Variants in IFT81 observed in about 807,000 individuals in gnomAD.
IFT81 encodes intraflagellar transport protein 81 homolog.
Under a neutral mutation model 102.6 loss-of-function variants are expected in IFT81, and 72 were observed. That is an observed-to-expected ratio of 0.70 (90% CI 0.58 to 0.85). IFT81 has a LOEUF of 0.85. Among genes scored for constraint, IFT81 ranks in the 40% least tolerant of loss-of-function variants. IFT81 has a pLI of 0.00. For synonymous variants in IFT81, 237 were observed against 242.7 expected (o/e 0.98, Z 0.22); for missense variants, 723 against 787.3 (o/e 0.92, Z 0.98).
chr12:110,145,186 C>T (rs1483641059), intron 9 of IFT81, among the ~76,000 whole-genome samples: 1 of 151,688 alleles, frequency 6.6e-6, no homozygotes, highest in Non-Finnish European at 1.5e-5. Flanking sequence ...GTGCATGCCA[C>T]CAGTTCTGGC....
chr12:110,135,007 G>C lies in IFT81; in HGVS notation c.579G>C (p.Lys193Asn). Residue 193 changes from lysine to asparagine, a missense_variant, in exon 6 of 19, where the codon AAG (lysine) becomes AAC (asparagine). Coordinates refer to ENST00000242591, the MANE Select transcript of IFT81 (RefSeq NM_014055.4). ...TCATTAAGAGAGTTGAACATTTGAA[G>C]AAAAGGGTAAGGCAGAATTAGTACT... The part of the protein sequence containing the change: ...DQLIKRVEHL[K>N]KRVETAQNHQ... 1 of 1,608,600 alleles carries C rather than the reference G, an allele frequency of 6.2e-7. No homozygotes were observed. The highest frequency in any genetic ancestry group is 8.5e-7 in the Non-Finnish European group (1 of 1,177,628).
At chr12:110,180,811 T>C (rs1219072371) in intron 12 of IFT81, among the ~76,000 whole-genome samples, 1 of 152,138 alleles carries the variant, frequency 6.6e-6, no homozygotes, top group Non-Finnish European at 1.5e-5. Context: ...TCCAAGTAGG[T>C]TTTTTCTTTT....
chr12:110,149,761 G>GC (rs1895417017), intron 10 of IFT81, among the ~76,000 whole-genome samples: 1 of 152,190 alleles, frequency 6.6e-6, no homozygotes, highest in Non-Finnish European at 1.5e-5. Flanking sequence ...TCAGTGGCCT[G>GC]CCAGTGCCTG....
At chr12:110,142,924 GTA>G (rs1346988893) in intron 8 of IFT81, among the ~76,000 whole-genome samples, 1 of 151,510 alleles carries the variant, frequency 6.6e-6, no homozygotes, top group African/African-American at 2.4e-5. Context: ...AAATACATAT[GTA>G]TATATATAGC....
At chr12:110,175,687 C>T (rs1897003990) in intron 11 of IFT81, among the ~76,000 whole-genome samples, 1 of 152,168 alleles carries the variant, frequency 6.6e-6, no homozygotes, top group Non-Finnish European at 1.5e-5. Context: ...AGTTGTTTTC[C>T]AGACCATTGC....
At chr12:110,155,217 A>G (rs543051073) in intron 10 of IFT81, among the ~76,000 whole-genome samples, 1 of 152,072 alleles carries the variant, frequency 6.6e-6, no homozygotes, top group Admixed American at 6.6e-5. Context: ...ATTTGAATGG[A>G]ATATCTTTTT....
At chr12:110,168,576 A>G (rs1896564658) in intron 11 of IFT81, 4 of 368,926 alleles carry the variant, frequency 1.1e-5, no homozygotes, top group South Asian at 1.1e-4. Flanking sequence ...GTATTATTTT[A>G]TATTTTTGAC....
intron 10 of IFT81, among the ~76,000 whole-genome samples, chr12:110,156,664 T>C (rs999853851): frequency 2.0e-5 from 3 of 152,020 alleles, no homozygotes; most frequent in Non-Finnish European, 2.9e-5. Flanking sequence ...GCCCAGCTAA[T>C]TTTTGTATTT....
Position 110,150,259 on chromosome 12 carries a change from A to G in IFT81, c.1041+3211A>G, listed in dbSNP as rs372152900. On this transcript the variant is annotated intron_variant, in intron 10 of 18. Transcript: ENST00000242591. ...GTAGCTGGGATTACAGGCACATTCC[A>G]CCACGTCCGGCTCATTTTGTATTTT... 8.6e-5 allele frequency among the ~76,000 whole-genome samples: 13 copies of G among 151,396 alleles called. No homozygotes were observed. In the East Asian group the frequency reaches 2.5e-3, roughly 29 times the overall value.
chr12:110,139,866 T>TAA (rs1477964163), intron 8 of IFT81, among the ~76,000 whole-genome samples: 26 of 130,074 alleles, frequency 2.0e-4, no homozygotes, highest in African/African-American at 7.1e-4. Flanking sequence ...TAAAATAAAA[T>TAA]ATAAAATAAA....
chr12:110,145,926 T>G (rs1895202207), intron 9 of IFT81, among the ~76,000 whole-genome samples: 1 of 152,038 alleles, frequency 6.6e-6, no homozygotes, highest in Non-Finnish European at 1.5e-5. Flanking sequence ...TTCTCCTGTC[T>G]CAGCCCCTGG....
intron 18 of IFT81, among the ~76,000 whole-genome samples, chr12:110,215,419 T>C (rs1408283494): frequency 6.6e-6 from 1 of 151,114 alleles, no homozygotes; most frequent in African/African-American, 2.4e-5. Flanking sequence ...AATGAATTCC[T>C]TTCTTTTCTT....
rs763533834 is a variant in IFT81, at chr12:110,128,169, T to C, written c.248+20T>C. The C allele has an allele frequency of 2.6e-5, 39 of 1,478,094 alleles. No homozygotes were observed. Among genetic ancestry groups the C allele is most frequent in the Non-Finnish European group, 3.5e-5 (37 of 1,058,016 alleles). 91.6% of individuals were successfully genotyped at this position (1,478,094 alleles called of 1,614,324 possible). A position where few individuals can be genotyped will look rare whatever the true frequency, so the allele number is the denominator to read the frequency against. Reference sequence around the variant, plus strand: ...AGATATGTAAGAATCTGATCACGTATTGAGTTTTTAAAATTATGCTTTAAT... The same window carrying C: ...AGATATGTAAGAATCTGATCACGTACTGAGTTTTTAAAATTATGCTTTAAT... On this transcript the variant is annotated intron_variant, in intron 3 of 18. Coordinates refer to ENST00000242591, the MANE Select transcript of IFT81 (RefSeq NM_014055.4).
rs767043905 is a variant in IFT81, at chr12:110,143,413, A to T, written c.813A>T (p.Lys271Asn). ...SLMKRLEEEI[K>N]FNLYMVTEKF... ...TGAAGAGGCTAGAGGAGGAGATAAA[A>T]TTTAATTTATATATGGTAACTGAAA... The change falls in exon 9 of 19, where the codon AAA becomes AAT. Residue 271 changes from lysine (K) to asparagine (N), a missense_variant. Coordinates refer to ENST00000242591, the MANE Select transcript of IFT81 (RefSeq NM_014055.4). 9 of 1,446,706 alleles carry T rather than the reference A, an allele frequency of 6.2e-6. No homozygotes were observed. In the South Asian group the frequency reaches 1.2e-4, roughly 20 times the overall value. The allele number at this position is 1,446,706 out of a possible 1,614,324, so 89.6% of individuals were successfully genotyped here. A position where few individuals can be genotyped will look rare whatever the true frequency, so the allele number is the denominator to read the frequency against.
At chr12:110,127,249 C>A in intron 1 of IFT81, 111 bp from the exon 2 acceptor site, 1 of 1,014,086 alleles carries the variant, frequency 9.9e-7, no homozygotes, top group Non-Finnish European at 1.3e-6. Context: ...ATTTTGTATG[C>A]CATGTAAAAT....
intron 11 of IFT81, among the ~76,000 whole-genome samples, chr12:110,179,773 T>TATGTATAC: frequency 2.0e-5 from 1 of 50,486 alleles, no homozygotes; most frequent in South Asian, 6.5e-4. Flanking sequence ...TATATATATA[T>TATGTATAC]ACACACACAC....
At chr12:110,181,184 C>T (rs1897304922) in intron 12 of IFT81, among the ~76,000 whole-genome samples, 1 of 152,098 alleles carries the variant, frequency 6.6e-6, no homozygotes, top group South Asian at 2.1e-4. Flanking sequence ...AGTGGAATTT[C>T]AACCAGTTGT....
intron 3 of IFT81, 137 bp from the exon 4 acceptor site, chr12:110,128,813 T>C (rs1159813476): frequency 1.7e-5 from 9 of 533,002 alleles, no homozygotes; most frequent in Non-Finnish European, 2.3e-5. Flanking sequence ...AAAAAAAAGA[T>C]TCCTTGGGTT....
Position 110,124,530 on chromosome 12 carries a change from C to G in IFT81, c.-353C>G, listed in dbSNP as rs1004763867. On this transcript the variant is annotated 5_prime_UTR_variant, in exon 1 of 19. Coordinates refer to ENST00000242591, the MANE Select transcript of IFT81 (RefSeq NM_014055.4). ...TCCTCTCTCGGTCCTGATGCAGCAC[C>G]TCGCAAGTGGAAGGGGTCGTCGCGG... 22 of 152,302 alleles carry G rather than the reference C, an allele frequency of 1.4e-4. No homozygotes were observed. The highest frequency in any genetic ancestry group is 5.1e-4 in the African/African-American group (21 of 41,456). 9.4% of individuals were successfully genotyped at this position (152,302 alleles called of 1,614,324 possible). A position where few individuals can be genotyped will look rare whatever the true frequency, so the allele number is the denominator to read the frequency against.
Sources: gnomAD v4.1 joint callset for allele counts (sites outside exome capture counted in the v4.1 genomes callset) on GRCh38, gnomAD v4.1.1 for gene constraint, MANE v1.5 for transcripts, NCBI Gene and HGNC (gene_info 2026-07-23, HGNC 2026-07-21) for gene names.